GRM8: variants seen among roughly 807,000 people sequenced by gnomAD.
GRM8 encodes glutamate metabotropic receptor 8.
GRM8 carries 47 observed loss-of-function variants against 87.2 expected under a neutral mutation model. The observed-to-expected ratio is 0.54, with a 90% CI of 0.43 to 0.69. The LOEUF (loss-of-function observed/expected upper bound fraction) is 0.69. Among genes scored for constraint, GRM8 ranks in the 30% least tolerant of loss-of-function variants. GRM8 has a pLI of 0.00. For synonymous variants in GRM8, 396 were observed against 404.5 expected, an observed-to-expected ratio of 0.98 and a Z score of 0.25; for missense variants, 1,019 against 1,139.2, an observed-to-expected ratio of 0.89 and a Z score of 1.52.
chr7:127,248,034 T>A (rs1246956555), intron 1 of GRM8, among the ~76,000 whole-genome samples: 2 of 152,230 alleles, frequency 1.3e-5, no homozygotes, highest in African/African-American at 4.8e-5. Flanking sequence ...TCACCACAGG[T>A]TTCCTTTAAA....
intron 7 of GRM8, among the ~76,000 whole-genome samples, chr7:126,631,327 G>A (rs1046890597): frequency 1.5e-4 from 23 of 152,028 alleles, no homozygotes; most frequent in African/African-American, 5.3e-4. Flanking sequence ...GCTAACAAGG[G>A]AAGTGAAGGA....
At chr7:126,525,556 C>G (rs577713874) in intron 9 of GRM8, among the ~76,000 whole-genome samples, 1 of 152,280 alleles carries the variant, frequency 6.6e-6, no homozygotes, top group East Asian at 1.9e-4. Flanking sequence ...TGCTTCAGGA[C>G]TTTATGTTGA....
chr7:126,705,721 G>T (rs1810438038), intron 7 of GRM8, among the ~76,000 whole-genome samples: 2 of 152,098 alleles, frequency 1.3e-5, no homozygotes, highest in Non-Finnish European at 2.9e-5. Flanking sequence ...ATGTAAAACT[G>T]TTAAGATTTT....
At chr7:126,744,049 C>T (rs1815339929) in intron 7 of GRM8, among the ~76,000 whole-genome samples, 1 of 151,984 alleles carries the variant, frequency 6.6e-6, no homozygotes, top group Non-Finnish European at 1.5e-5. Context: ...TTGCTAGTTT[C>T]ACTTAAGAAT....
At chr7:126,711,725 C>T (rs898103487) in intron 7 of GRM8, among the ~76,000 whole-genome samples, 1 of 152,206 alleles carries the variant, frequency 6.6e-6, no homozygotes, top group South Asian at 2.1e-4. Flanking sequence ...TTAGTTAGAT[C>T]TTTGGGATAA....
chr7:126,890,417 C>T (rs1433616409), intron 6 of GRM8, among the ~76,000 whole-genome samples: 1 of 152,080 alleles, frequency 6.6e-6, no homozygotes, highest in Non-Finnish European at 1.5e-5. Context: ...ATTAGGAGAA[C>T]CTTGAACTAT....
At chr7:126,714,638 A>G (rs1403757740) in intron 7 of GRM8, among the ~76,000 whole-genome samples, 1 of 152,134 alleles carries the variant, frequency 6.6e-6, no homozygotes, top group East Asian at 1.9e-4. Flanking sequence ...GAAATGCAAT[A>G]TAGGCAGTGG....
intron 6 of GRM8, among the ~76,000 whole-genome samples, chr7:126,803,546 T>G (rs1263591212): frequency 1.3e-5 from 2 of 152,208 alleles, no homozygotes; most frequent in Non-Finnish European, 2.9e-5. Context: ...TATCAATGTT[T>G]TCATAAATTC....
At chr7:126,847,660 C>G (rs1796828813) in intron 6 of GRM8, among the ~76,000 whole-genome samples, 1 of 152,098 alleles carries the variant, frequency 6.6e-6, no homozygotes, top group South Asian at 2.1e-4. Flanking sequence ...CATTTTGGCT[C>G]AGGGATCCCA....
At chr7:126,881,390 C>T (rs148965420) in intron 6 of GRM8, among the ~76,000 whole-genome samples, 2,062 of 152,272 alleles carry the variant, frequency 0.014, 44 homozygotes, top group African/African-American at 0.047. Flanking sequence ...TCACGGCCAG[C>T]GCACAGGACC....
chr7:126,603,651 T>C (rs575504951), intron 8 of GRM8, among the ~76,000 whole-genome samples: 2 of 152,236 alleles, frequency 1.3e-5, no homozygotes, highest in East Asian at 3.9e-4. Context: ...GCCCAGGGAA[T>C]TGACTCACAC....
At chr7:126,989,556 G>C (rs1812429203) in intron 3 of GRM8, among the ~76,000 whole-genome samples, 1 of 152,172 alleles carries the variant, frequency 6.6e-6, no homozygotes, top group Admixed American at 6.5e-5. Flanking sequence ...TCAGGTTCTT[G>C]TTCCTCTTTC....
At chr7:126,587,740 G>C (rs1471349450) in intron 8 of GRM8, among the ~76,000 whole-genome samples, 1 of 151,646 alleles carries the variant, frequency 6.6e-6, no homozygotes, top group Admixed American at 6.6e-5. Flanking sequence ...GAGTTAATGG[G>C]TGCAGCACAC....
At chr7:127,158,974 G>T (rs770330388) in intron 2 of GRM8, among the ~76,000 whole-genome samples, 35 of 152,294 alleles carry the variant, frequency 2.3e-4, no homozygotes, top group South Asian at 2.3e-3. Context: ...CTCCAAGCAA[G>T]TCCTCTTGGT....
chr7:126,512,854 G>T (rs1811596934), intron 9 of GRM8: 1 of 152,072 alleles, frequency 6.6e-6, no homozygotes, highest in East Asian at 1.9e-4. Context: ...CTGGAAATAG[G>T]TGCTGTTACT....
chr7:127,163,097 C>T (rs1793219342), intron 2 of GRM8, among the ~76,000 whole-genome samples: 1 of 152,170 alleles, frequency 6.6e-6, no homozygotes, highest in East Asian at 1.9e-4. Context: ...TTGTAGTAGG[C>T]TGTTCTTGTA....
rs1460891464 is a variant in GRM8 at position 126,609,472 on chromosome 7, T to C, written c.1384A>G (p.Asn462Asp). Reference sequence around the variant, plus strand: ...CGTCCAGGAGCATCTCCGTTTTCATTAAAAGTGACAGGAGTGCCAGCACTG... The same window carrying C: ...CGTCCAGGAGCATCTCCGTTTTCATCAAAAGTGACAGGAGTGCCAGCACTG... ...NGSAGTPVTF[N>D]ENGDAPGRYD... Residue 462 changes from asparagine (N) to aspartate (D), a missense_variant, in exon 8 of 11, where the codon AAT (asparagine) becomes GAT (aspartate). Physicochemically the swap from Asn to Asp is conservative, Grantham distance 23 (BLOSUM62 1). Transcript: ENST00000339582. 1 of 1,612,714 alleles carries C rather than the reference T, an allele frequency of 6.2e-7. No homozygotes were observed. Among genetic ancestry groups the C allele is most frequent in the Non-Finnish European group, 8.5e-7 (1 of 1,178,742 alleles).
chr7:126,806,805 G>C (rs1271714048), intron 6 of GRM8, among the ~76,000 whole-genome samples: 4 of 152,206 alleles, frequency 2.6e-5, no homozygotes, highest in Non-Finnish European at 5.9e-5. Flanking sequence ...GCTGAGTGCG[G>C]GGCTTGCGGA....
chr7:127,250,458 C>A (rs1798804002), intron 1 of GRM8, among the ~76,000 whole-genome samples: 1 of 152,184 alleles, frequency 6.6e-6, no homozygotes, highest in Non-Finnish European at 1.5e-5. Context: ...TTCTTTATTC[C>A]GGGTCAATTG....
Sources: gnomAD v4.1 joint callset for allele counts (sites outside exome capture counted in the v4.1 genomes callset) on GRCh38, gnomAD v4.1.1 for gene constraint, MANE v1.5 for transcripts, NCBI Gene and HGNC (gene_info 2026-07-23, HGNC 2026-07-21) for gene names.